LRP8: variants seen among roughly 807,000 people sequenced by gnomAD.
LRP8 encodes the protein LDL receptor related protein 8, also known as low-density lipoprotein receptor-related protein 8.
A neutral mutation model predicts 111.6 loss-of-function variants in LRP8; 46 were observed. That is an observed-to-expected ratio of 0.41 (90% CI 0.33 to 0.53). The LOEUF is 0.53. Among genes scored for constraint, LRP8 ranks in the 20% least tolerant of loss-of-function variants. The probability of loss-of-function intolerance (pLI) is 0.20; values close to 1 mark genes in which losing one functional copy is unlikely to be tolerated. For synonymous variants in LRP8, 464 were observed against 511.2 expected (o/e 0.91, Z 1.24); for missense variants, 959 against 1,297.4 (o/e 0.74, Z 4.01).
At chr1:53,297,376 G>C (rs1050707883) in intron 2 of LRP8, among the ~76,000 whole-genome samples, 6 of 152,206 alleles carry the variant, frequency 3.9e-5, no homozygotes, top group African/African-American at 1.4e-4. Context: ...ACTACTCAAG[G>C]CTCGGCGGTT....
At chr1:53,271,453 C>T (rs974476172) in intron 6 of LRP8, 107 bp from the exon 7 acceptor site, 2 of 1,299,558 alleles carry the variant, frequency 1.5e-6, no homozygotes, top group Non-Finnish European at 1.1e-6. Context: ...GTGGGACTCC[C>T]ATAGAGGCAG....
At chr1:53,291,378 G>A (rs1430409645) in intron 2 of LRP8, among the ~76,000 whole-genome samples, 1 of 152,076 alleles carries the variant, frequency 6.6e-6, no homozygotes, top group East Asian at 1.9e-4. Flanking sequence ...CTCCCCAGGG[G>A]CTTAGAAGTC....
intron 2 of LRP8, among the ~76,000 whole-genome samples, chr1:53,322,824 G>A (rs923695026): frequency 7.9e-5 from 12 of 152,142 alleles, no homozygotes; most frequent in African/African-American, 2.9e-4. Context: ...AGCTGTGGCC[G>A]AGCTTTAATT....
Position 53,266,956 on chromosome 1 carries a change from C to A in LRP8, c.1253-309G>T, listed in dbSNP as rs148314131. 1.1e-3 allele frequency: 320 copies of A among 293,778 alleles called. 2 individuals are homozygous for A. The highest frequency in any genetic ancestry group is 6.2e-3 in the African/African-American group (294 of 47,640). The allele number at this position is 293,778 out of a possible 1,614,324, so 18.2% of individuals were successfully genotyped here. The stretch of plus-strand genomic sequence containing the variant: ...GCCTTCCACAGTGTGACCCCAAGTT[C>A]CCTGTCCAGCCTCATTACTCGCCTC... On this transcript the variant is annotated intron_variant, in intron 8 of 18. Coordinates refer to ENST00000306052, the MANE Select transcript of LRP8 (RefSeq NM_004631.5). This position sits in a 1 kb window ranked among gnomAD's most constrained non-coding sequence, Gnocchi z 5.0.
At position 53,294,225 on chromosome 1, in the gene LRP8, A is replaced by G. The variant is rs1201836277; in HGVS notation, c.245-4536T>C. ...GAGTCCCTCAGCCCAGGAGTGATAC[A>G]TAGTCAACCAGGGTCTGCGACATCA... On this transcript the variant is annotated intron_variant, in intron 2 of 18. Transcript: ENST00000306052. The surrounding 1 kb of genome is among the most constrained non-coding windows in gnomAD (Gnocchi z 4.1). Among the ~76,000 whole-genome samples, 1 of 152,142 alleles carries G rather than the reference A, an allele frequency of 6.6e-6. No individual in the cohort carries two copies. The highest frequency in any genetic ancestry group is 6.5e-5 in the Admixed American group (1 of 15,284).
intron 2 of LRP8, among the ~76,000 whole-genome samples, chr1:53,324,571 C>T (rs886125803): frequency 2.0e-5 from 3 of 152,186 alleles, no homozygotes; most frequent in African/African-American, 2.4e-5. Flanking sequence ...TCAGCAGCGC[C>T]GCCACCCTTT....
chr1:53,263,619 A>G (rs1295241070), intron 10 of LRP8, among the ~76,000 whole-genome samples: 1 of 152,196 alleles, frequency 6.6e-6, no homozygotes, highest in East Asian at 1.9e-4. Context: ...GGAGGCAGGC[A>G]GTCTGAAGCA....
At chr1:53,308,966 C>G (rs1482391487) in intron 2 of LRP8, among the ~76,000 whole-genome samples, 2 of 152,288 alleles carry the variant, frequency 1.3e-5, no homozygotes, top group Admixed American at 1.3e-4. Context: ...ACAGATCCCC[C>G]CTCAGAGGGC....
chr1:53,289,375 A>G (rs1484114413), intron 3 of LRP8, 192 bp downstream of exon 3: 1 of 665,710 alleles, frequency 1.5e-6, no homozygotes, highest in African/African-American at 1.8e-5. Context: ...AACCTACAAG[A>G]GGGCTGTGAA....
chr1:53,285,819 C>T (rs1647456252), intron 3 of LRP8, among the ~76,000 whole-genome samples: 1 of 152,148 alleles, frequency 6.6e-6, no homozygotes, highest in South Asian at 2.1e-4. Context: ...GGCCTGCTCT[C>T]CAAGTACCCT....
At chr1:53,259,357 C>T (rs1376459659) in intron 13 of LRP8, among the ~76,000 whole-genome samples, 1 of 151,982 alleles carries the variant, frequency 6.6e-6, no homozygotes, top group Non-Finnish European at 1.5e-5. Flanking sequence ...AGTGATCCTC[C>T]TGCGTTGGCC....
chr1:53,243,156 G>C lies in LRP8; in HGVS notation c.*3862C>G, dbSNP rs931880192. The C allele has an allele frequency of 2.0e-5, 3 of 152,172 alleles. No individual in the cohort carries two copies. Among genetic ancestry groups the C allele is most frequent in the Non-Finnish European group, 4.4e-5 (3 of 68,044 alleles). 9.4% of individuals were successfully genotyped at this position (152,172 alleles called of 1,614,324 possible). A position where few individuals can be genotyped will look rare whatever the true frequency, so the allele number is the denominator to read the frequency against. On this transcript the variant is annotated 3_prime_UTR_variant, in exon 19 of 19. Transcript: ENST00000306052. ...ACTCATTTATATTTTGTGAAACGAT[G>C]AGTGTATGGCTGGAGTTCGGGGGGT...
In LRP8 at chr1:53,264,410, A is replaced by T. The variant is rs768717061; in HGVS notation, c.1428-14T>A. The T allele has an allele frequency of 6.2e-7, 1 of 1,605,784 alleles. No individual in the cohort carries two copies. Among genetic ancestry groups the T allele is most frequent in the South Asian group, 1.1e-5 (1 of 90,086 alleles). On this transcript the variant is annotated splice_polypyrimidine_tract_variant and intron_variant, in intron 9 of 18. Coordinates refer to ENST00000306052, the MANE Select transcript of LRP8 (RefSeq NM_004631.5). ...TCCATGTAGGCGCTTAAGAGAAAAC[A>T]GAGATGACCATGGGGCAGATGTTCC... is the stretch of plus-strand genomic sequence containing the variant.
At chr1:53,318,332 T>C (rs1654074492) in intron 2 of LRP8, among the ~76,000 whole-genome samples, 1 of 151,916 alleles carries the variant, frequency 6.6e-6, no homozygotes, top group African/African-American at 2.4e-5. Flanking sequence ...GGCCTGGATA[T>C]GGCTGCTTTG....
At chr1:53,302,856 A>ATTTTTTTCT (rs1553191208) in intron 2 of LRP8, among the ~76,000 whole-genome samples, 1 of 126,606 alleles carries the variant, frequency 7.9e-6, no homozygotes, top group Non-Finnish European at 1.6e-5. Flanking sequence ...CACCCAGCTA[A>ATTTTTTTCT]TTTTTTTTTT....
intron 3 of LRP8, among the ~76,000 whole-genome samples, chr1:53,286,042 T>C (rs926501168): frequency 1.3e-5 from 2 of 152,222 alleles, no homozygotes; most frequent in Non-Finnish European, 2.9e-5. Context: ...AAAAGGGCAA[T>C]GTCTGTTAAA....
chr1:53,289,202 A>G lies in LRP8; in HGVS notation c.367+365T>C, dbSNP rs372039059. The stretch of plus-strand genomic sequence containing the variant: ...ATGCACACAGAGAGCTTAGCACACG[A>G]TAAAGGCTTAAGAAGCACCAGCTGC... On this transcript the variant is annotated intron_variant, in intron 3 of 18. Coordinates refer to ENST00000306052, the MANE Select transcript of LRP8 (RefSeq NM_004631.5). 100 of 181,838 alleles carry G rather than the reference A, an allele frequency of 5.5e-4. 1 individual carries two copies. Among genetic ancestry groups the G allele is most frequent in the Middle Eastern group, 4.9e-3 (2 of 410 alleles). 11.3% of individuals were successfully genotyped at this position (181,838 alleles called of 1,614,324 possible). A position where few individuals can be genotyped will look rare whatever the true frequency, so the allele number is the denominator to read the frequency against.
At chr1:53,263,742 T>G (rs1344635688) in intron 10 of LRP8, among the ~76,000 whole-genome samples, 1 of 152,140 alleles carries the variant, frequency 6.6e-6, no homozygotes, top group Non-Finnish European at 1.5e-5. Flanking sequence ...GGGAGATAGA[T>G]TTGGCATTAT....
intron 2 of LRP8, among the ~76,000 whole-genome samples, chr1:53,320,680 GA>G (rs2100546487): frequency 6.6e-6 from 1 of 152,320 alleles, no homozygotes; most frequent in East Asian, 1.9e-4. Flanking sequence ...ATGGGAGCTG[GA>G]AAAGGCCTAT....
Sources: allele counts gnomAD v4.1 joint callset (sites outside exome capture counted in the v4.1 genomes callset), GRCh38; gene constraint gnomAD v4.1.1; non-coding constraint Gnocchi (gnomAD v3.1); transcripts MANE v1.5; gene names NCBI Gene and HGNC (gene_info 2026-07-23, HGNC 2026-07-21).